The following KLF8 variants were observed in gnomAD, a reference collection of about 807,000 sequenced individuals.
KLF8 encodes Krueppel-like factor 8.
Under a neutral mutation model 18.2 loss-of-function variants are expected in KLF8, and 10 were observed. The observed-to-expected ratio is 0.55, with a 90% confidence interval of 0.34 to 0.93. The LOEUF (loss-of-function observed/expected upper bound fraction) is 0.93, where lower values mean the gene tolerates loss of function less well. Ranked by LOEUF, KLF8 falls within the 40% of genes least tolerant of loss-of-function variation. KLF8 has a pLI of 0.02. For missense variants in KLF8, 264 were observed against 277.9 expected (o/e 0.95, Z 0.36); for synonymous variants, 109 against 97.3 (o/e 1.12, Z -0.71).
chrX:56,103,531 G>A, the KLF8 span, among the ~76,000 whole-genome samples: 1 of 111,035 alleles, frequency 9.0e-6, no homozygotes, highest in Non-Finnish European at 1.9e-5. Flanking sequence ...TTGGTGTATA[G>A]GAATGCTTGT....
At chrX:56,054,430 T>A in the KLF8 span, among the ~76,000 whole-genome samples, 22 of 112,053 alleles carry the variant, frequency 2.0e-4, no homozygotes, top group African/African-American at 7.1e-4. Context: ...TTATTATTTT[T>A]TTGTGCTGTG....
At chrX:56,099,842 TAAGAA>T in the KLF8 span, among the ~76,000 whole-genome samples, 1 of 111,956 alleles carries the variant, frequency 8.9e-6, no homozygotes, top group Admixed American at 9.5e-5. Flanking sequence ...TCTTGAGGTT[TAAGAA>T]AAGAAGCCAT....
intron 1 of KLF8, among the ~76,000 whole-genome samples, chrX:56,233,785 G>T (rs763074788): frequency 8.9e-6 from 1 of 112,082 alleles, no homozygotes; most frequent in Non-Finnish European, 1.9e-5. Context: ...AAAAGAAGGA[G>T]GAGGGGACAG....
the KLF8 span, among the ~76,000 whole-genome samples, chrX:55,949,333 CTGTGTGTGTGTGTGTGTG>C: frequency 5.7e-5 from 5 of 88,177 alleles, no homozygotes; most frequent in East Asian, 8.0e-4. Context: ...TTTTCATATG[CTGTGTGTGTGTGTGTGTG>C]TGTGTGTGTG....
chrX:56,085,151 C>T, the KLF8 span, among the ~76,000 whole-genome samples: 2 of 111,994 alleles, frequency 1.8e-5, no homozygotes, highest in Admixed American at 1.9e-4. Context: ...ATCTGGCCTA[C>T]ATCCTGCCAC....
the KLF8 span, among the ~76,000 whole-genome samples, chrX:55,918,492 A>G: frequency 8.9e-6 from 1 of 112,633 alleles, no homozygotes; most frequent in Non-Finnish European, 1.9e-5. Context: ...CTGATGCTGT[A>G]AAATGTACCA....
the KLF8 span, among the ~76,000 whole-genome samples, chrX:56,007,527 G>A: frequency 1.8e-5 from 2 of 111,163 alleles, no homozygotes; most frequent in African/African-American, 6.6e-5. Flanking sequence ...CTTCCACACT[G>A]GGGAGTTCTT....
chrX:56,199,744 G>T, the KLF8 span, among the ~76,000 whole-genome samples: 1 of 111,549 alleles, frequency 9.0e-6, no homozygotes, highest in African/African-American at 3.3e-5. Flanking sequence ...TATACCCAAA[G>T]GATTATAAAT....
chrX:56,168,105 A>G, the KLF8 span, among the ~76,000 whole-genome samples: 2 of 111,817 alleles, frequency 1.8e-5, no homozygotes, highest in Non-Finnish European at 1.9e-5. Flanking sequence ...GAAAGTCATA[A>G]ATCTCATGAA....
the KLF8 span, among the ~76,000 whole-genome samples, chrX:56,086,365 A>T: frequency 3.6e-5 from 4 of 111,172 alleles, no homozygotes; most frequent in East Asian, 1.1e-3. Flanking sequence ...AATTTTCTTG[A>T]CCCTTTGAGT....
chrX:56,056,297 C>T, the KLF8 span, among the ~76,000 whole-genome samples: 3,849 of 110,316 alleles, frequency 0.035, 68 homozygotes, highest in Non-Finnish European at 0.052. Flanking sequence ...TATGAAGTCA[C>T]TTAAGCCAAC....
the KLF8 span, among the ~76,000 whole-genome samples, chrX:56,121,023 G>A: frequency 9.1e-6 from 1 of 109,469 alleles, no homozygotes; most frequent in Admixed American, 9.8e-5. Flanking sequence ...CGTCTCTACT[G>A]AAAATACAAA....
At chrX:56,215,148 T>C in the KLF8 span, among the ~76,000 whole-genome samples, 1 of 111,791 alleles carries the variant, frequency 8.9e-6, no homozygotes, top group African/African-American at 3.2e-5. Context: ...AATTAAGTGC[T>C]CAATTAAGCA....
At chrX:56,266,428 T>C (rs2066973132) in intron 3 of KLF8, 1 of 709,186 alleles carries the variant, frequency 1.4e-6, no homozygotes, top group Non-Finnish European at 1.7e-6. Context: ...AAAATAATAC[T>C]CTATCTTAAT....
chrX:56,049,944 C>A, the KLF8 span, among the ~76,000 whole-genome samples: 4 of 109,780 alleles, frequency 3.6e-5, no homozygotes, highest in East Asian at 2.8e-4. Flanking sequence ...ACAATTTCAG[C>A]TCCTGTTATT....
At chrX:55,949,151 CATT>C in the KLF8 span, among the ~76,000 whole-genome samples, 34 of 111,893 alleles carry the variant, frequency 3.0e-4, no homozygotes, top group Middle Eastern at 0.014. Flanking sequence ...CTTAAGCAAA[CATT>C]ATGGTTTACG....
chrX:56,222,912 C>T, the KLF8 span, among the ~76,000 whole-genome samples: 1 of 112,931 alleles, frequency 8.9e-6, no homozygotes, highest in East Asian at 2.8e-4. Context: ...GTGTGCAGTC[C>T]CGGTTCCCGC....
At chrX:56,111,322 T>C in the KLF8 span, among the ~76,000 whole-genome samples, 1 of 112,056 alleles carries the variant, frequency 8.9e-6, no homozygotes, top group African/African-American at 3.2e-5. Context: ...TGTGGAGCTC[T>C]TTGAGTTTAT....
chrX:56,249,069 T>C (rs747676909), intron 1 of KLF8, among the ~76,000 whole-genome samples: 2 of 112,305 alleles, frequency 1.8e-5, no homozygotes, highest in Non-Finnish European at 3.8e-5. Context: ...TGGAAGTCAG[T>C]TTTCTTAATT....
Sources: allele counts gnomAD v4.1 joint callset (sites outside exome capture counted in the v4.1 genomes callset), GRCh38; gene constraint gnomAD v4.1.1; transcripts MANE v1.5; gene names NCBI Gene and HGNC (gene_info 2026-07-23, HGNC 2026-07-21).